ANXA8: variants seen among roughly 807,000 people sequenced by gnomAD.
ANXA8 encodes annexin A8, also known as VAC-beta.
ANXA8 carries 9 observed loss-of-function variants against 26.8 expected under a neutral mutation model. The ratio of observed to expected loss-of-function variants is 0.34; its 90% confidence interval spans 0.20 to 0.59. The LOEUF (loss-of-function observed/expected upper bound fraction) is 0.59, where lower values mean the gene tolerates loss of function less well. Among genes scored for constraint, ANXA8 ranks in the 20% least tolerant of loss-of-function variants. ANXA8 has a pLI of 0.84. For missense variants in ANXA8, 83 were observed against 238.5 expected (o/e 0.35, Z 4.29); for synonymous variants, 39 against 94.8 (o/e 0.41, Z 3.42).
chr10:47,493,479 C>G, the ANXA8 span, among the ~76,000 whole-genome samples: 1 of 147,648 alleles, frequency 6.8e-6, no homozygotes, highest in Admixed American at 6.7e-5. Context: ...CTGTGTGTCC[C>G]CCCACTCACA....
the ANXA8 span, among the ~76,000 whole-genome samples, chr10:47,648,105 G>T: frequency 9.9e-5 from 15 of 151,938 alleles, no homozygotes; most frequent in African/African-American, 3.2e-4. Flanking sequence ...GAAAAAATTG[G>T]TAAACTGAAA....
the ANXA8 span, among the ~76,000 whole-genome samples, chr10:47,689,086 C>A: frequency 9.2e-3 from 1,246 of 134,906 alleles, 14 homozygotes; most frequent in Non-Finnish European, 0.015. Context: ...GCAGTCCAGC[C>A]TGGGCAACAG....
chr10:47,675,185 A>G, the ANXA8 span, among the ~76,000 whole-genome samples: 1 of 144,730 alleles, frequency 6.9e-6, no homozygotes, highest in Non-Finnish European at 1.5e-5. Context: ...ATATATCCAC[A>G]TATCTATAAA....
chr10:47,599,761 T>G, the ANXA8 span: 1 of 151,342 alleles, frequency 6.6e-6, no homozygotes, highest in Non-Finnish European at 1.5e-5. Context: ...TGATAGCCAA[T>G]TAAGCCATGG....
chr10:47,928,748 C>CTT, the ANXA8 span, among the ~76,000 whole-genome samples: 28 of 96,050 alleles, frequency 2.9e-4, no homozygotes, highest in African/African-American at 9.5e-4. Context: ...TTCTCTCTCT[C>CTT]TCTTTTTTTT....
chr10:47,553,102 G>A, the ANXA8 span, among the ~76,000 whole-genome samples: 1 of 151,982 alleles, frequency 6.6e-6, no homozygotes, highest in Non-Finnish European at 1.5e-5. Context: ...TGATTTCAGA[G>A]GTTATATTGC....
chr10:47,762,205 G>T, the ANXA8 span, among the ~76,000 whole-genome samples: 1 of 151,844 alleles, frequency 6.6e-6, no homozygotes, highest in African/African-American at 2.4e-5. Flanking sequence ...GAGTTGGTGC[G>T]ACGCGGTGGA....
chr10:47,969,016 G>T, the ANXA8 span, among the ~76,000 whole-genome samples: 4 of 147,834 alleles, frequency 2.7e-5, no homozygotes, highest in African/African-American at 7.4e-5. Context: ...TTTGTTCTGG[G>T]ATTACCTCTA....
chr10:47,947,542 C>A, the ANXA8 span, among the ~76,000 whole-genome samples: 1 of 150,286 alleles, frequency 6.7e-6, no homozygotes, highest in Non-Finnish European at 1.5e-5. Flanking sequence ...GGAGGAGAGG[C>A]CTGGGGGGAG....
At chr10:47,940,203 C>T in the ANXA8 span, among the ~76,000 whole-genome samples, 1 of 150,168 alleles carries the variant, frequency 6.7e-6, no homozygotes, top group Non-Finnish European at 1.5e-5. Context: ...AAGAGAGTCT[C>T]CATCTTTTCA....
the ANXA8 span, among the ~76,000 whole-genome samples, chr10:47,597,340 T>C: frequency 2.2e-4 from 33 of 149,094 alleles, no homozygotes; most frequent in East Asian, 3.9e-4. Context: ...CCCATAAGAA[T>C]AAGAACAAGA....
the ANXA8 span, among the ~76,000 whole-genome samples, chr10:47,776,102 G>A: frequency 1.3e-5 from 2 of 152,060 alleles, no homozygotes; most frequent in African/African-American, 4.8e-5. Flanking sequence ...GCACAGTCAG[G>A]AGGAAACCGG....
At chr10:47,894,613 ACAC>A in the ANXA8 span, among the ~76,000 whole-genome samples, 20 of 130,402 alleles carry the variant, frequency 1.5e-4, no homozygotes, top group African/African-American at 5.1e-4. Flanking sequence ...CCACACACAC[ACAC>A]TACACACACC....
At chr10:47,713,038 C>A in the ANXA8 span, among the ~76,000 whole-genome samples, 1 of 152,252 alleles carries the variant, frequency 6.6e-6, no homozygotes, top group Non-Finnish European at 1.5e-5. Context: ...AGGTGATTCA[C>A]CCGCCTCAGC....
chr10:47,487,871 T>G (rs1840074728), upstream of ANXA8, among the ~76,000 whole-genome samples: 1 of 150,646 alleles, frequency 6.6e-6, no homozygotes, highest in Admixed American at 6.6e-5. Flanking sequence ...GTTCTAAAGA[T>G]TCTCCCCTCT....
At chr10:47,597,207 C>A in the ANXA8 span, among the ~76,000 whole-genome samples, 4 of 149,264 alleles carry the variant, frequency 2.7e-5, no homozygotes. Context: ...TAAAGTCCAA[C>A]ATGCCTTCAT....
At chr10:47,591,670 TC>T in the ANXA8 span, among the ~76,000 whole-genome samples, 1 of 140,300 alleles carries the variant, frequency 7.1e-6, no homozygotes, top group Non-Finnish European at 1.5e-5. Flanking sequence ...ATGATCTCGA[TC>T]TCCTGACCTC....
At chr10:47,701,672 T>C in the ANXA8 span, among the ~76,000 whole-genome samples, 1 of 151,718 alleles carries the variant, frequency 6.6e-6, no homozygotes, top group Non-Finnish European at 1.5e-5. Context: ...CTCTGTTTAT[T>C]TGTGGAAAGA....
At chr10:47,758,159 A>AT in the ANXA8 span, 5 of 420,856 alleles carry the variant, frequency 1.2e-5, no homozygotes, top group Non-Finnish European at 1.9e-5. Flanking sequence ...GTGACTTGTT[A>AT]TTCTGGACAT....
Sources: allele counts gnomAD v4.1 joint callset (sites outside exome capture counted in the v4.1 genomes callset), GRCh38; gene constraint gnomAD v4.1.1; transcripts MANE v1.5; gene names NCBI Gene and HGNC (gene_info 2026-07-23, HGNC 2026-07-21).